ARMC8: variants seen among roughly 807,000 people sequenced by gnomAD.
ARMC8 encodes the protein armadillo repeat containing 8.
ARMC8 carries 20 observed loss-of-function variants against 99.3 expected under a neutral mutation model. The observed-to-expected ratio is 0.20, with a 90% CI of 0.14 to 0.29. The LOEUF (loss-of-function observed/expected upper bound fraction) is 0.29. ARMC8 is among the 10% of genes least tolerant of loss of function. The pLI is 1.00. For missense variants in ARMC8, 569 were observed against 809.5 expected, an observed-to-expected ratio of 0.70 and a Z score of 3.60; for synonymous variants, 263 against 278.3, an observed-to-expected ratio of 0.95 and a Z score of 0.55.
At chr3:138,276,775 A>G (rs1042262144) in intron 18 of ARMC8, among the ~76,000 whole-genome samples, 1 of 152,186 alleles carries the variant, frequency 6.6e-6, no homozygotes, top group South Asian at 2.1e-4. Flanking sequence ...ACCCAAATAA[A>G]TGGAGAGATA....
chr3:138,264,625 G>C (rs892786499), intron 14 of ARMC8, among the ~76,000 whole-genome samples: 2 of 151,202 alleles, frequency 1.3e-5, no homozygotes, highest in African/African-American at 4.9e-5. Flanking sequence ...TCACCATATT[G>C]GTCAGGCTGG....
chr3:138,237,783 A>G (rs1430850107), intron 9 of ARMC8, among the ~76,000 whole-genome samples: 2 of 152,214 alleles, frequency 1.3e-5, no homozygotes, highest in Non-Finnish European at 2.9e-5. Flanking sequence ...GAACTCTCGT[A>G]TAACATCTGA....
At chr3:138,245,844 T>G (rs923841244) in intron 12 of ARMC8, 38 of 985,676 alleles carry the variant, frequency 3.9e-5, no homozygotes, top group Non-Finnish European at 4.6e-5. Flanking sequence ...AAGCTCTGAC[T>G]TGGCTCCTTC....
chr3:138,235,297 G>T (rs1236007316), intron 7 of ARMC8, among the ~76,000 whole-genome samples, 183 bp downstream of exon 7: 1 of 150,630 alleles, frequency 6.6e-6, no homozygotes, highest in Non-Finnish European at 1.5e-5. Context: ...AGCTGCCCTT[G>T]CATCTCTTTT....
chr3:138,272,960 C>G lies in ARMC8; in HGVS notation c.1480-7C>G. ...CATGATTCTTGCAACTTCTTTAATC[C>G]TTTCAGAATATGGCATTTCAGGCTG... On this transcript the variant is annotated splice_polypyrimidine_tract_variant and splice_region_variant and intron_variant, in intron 16 of 21. Transcript: ENST00000469044. 1 of 1,558,740 alleles carries G rather than the reference C, an allele frequency of 6.4e-7. No homozygotes were observed. Among genetic ancestry groups the G allele is most frequent in the South Asian group, 1.3e-5 (1 of 79,978 alleles).
At chr3:138,223,957 C>CTTTT (rs1037473550) in intron 5 of ARMC8, among the ~76,000 whole-genome samples, 7 of 133,650 alleles carry the variant, frequency 5.2e-5, no homozygotes, top group Non-Finnish European at 8.0e-5. Context: ...GACTCCATCT[C>CTTTT]TTTTTTTTTT....
At chr3:138,224,316 A>G (rs572481129) in intron 5 of ARMC8, among the ~76,000 whole-genome samples, 6 of 152,316 alleles carry the variant, frequency 3.9e-5, no homozygotes, top group African/African-American at 1.2e-4. Context: ...GCAATGGCTC[A>G]TGCCTATAGT....
chr3:138,225,869 A>G (rs2045669394), intron 5 of ARMC8, among the ~76,000 whole-genome samples: 1 of 152,226 alleles, frequency 6.6e-6, no homozygotes, highest in African/African-American at 2.4e-5. Context: ...ATGGCTCCCT[A>G]GTCTGTCCTT....
At chr3:138,193,249 G>A (rs1003906134) in intron 1 of ARMC8, among the ~76,000 whole-genome samples, 2 of 151,908 alleles carry the variant, frequency 1.3e-5, no homozygotes, top group Admixed American at 1.3e-4. Flanking sequence ...GATTACAGGT[G>A]TGAGCCACCG....
At chr3:138,262,281 C>A in intron 12 of ARMC8, 1 of 422,880 alleles carries the variant, frequency 2.4e-6, no homozygotes, top group Non-Finnish European at 4.3e-6. Context: ...AGTGATTGTG[C>A]ATATCAGTAA....
intron 21 of ARMC8, among the ~76,000 whole-genome samples, chr3:138,293,520 C>T (rs2051185673): frequency 6.6e-6 from 1 of 151,318 alleles, no homozygotes; most frequent in Non-Finnish European, 1.5e-5. Context: ...GCCTAGGCAA[C>T]AGAGCAAGAC....
chr3:138,230,421 C>T (rs938442443), intron 6 of ARMC8, among the ~76,000 whole-genome samples: 3 of 152,120 alleles, frequency 2.0e-5, no homozygotes, highest in African/African-American at 7.2e-5. Flanking sequence ...GAGGCCGAGG[C>T]AGGTGGTTCT....
intron 1 of ARMC8, among the ~76,000 whole-genome samples, chr3:138,200,457 T>A (rs185200371): frequency 2.5e-4 from 38 of 152,330 alleles, no homozygotes; most frequent in Admixed American, 2.1e-3. Context: ...AAACATATTT[T>A]GTGTTTCTAT....
chr3:138,295,144 C>T (rs559152577), intron 21 of ARMC8, among the ~76,000 whole-genome samples: 1 of 152,204 alleles, frequency 6.6e-6, no homozygotes, highest in Non-Finnish European at 1.5e-5. Context: ...GGTGATCTGC[C>T]CTCCTCAGCC....
intron 19 of ARMC8, chr3:138,287,598 G>A: frequency 2.2e-6 from 1 of 456,052 alleles, no homozygotes; most frequent in Non-Finnish European, 4.4e-6. Context: ...TCTGAGGCTG[G>A]GAGCAGATAA....
chr3:138,194,346 T>A (rs1376364003), intron 1 of ARMC8, among the ~76,000 whole-genome samples: 5 of 134,690 alleles, frequency 3.7e-5, no homozygotes, highest in South Asian at 4.8e-4. Context: ...CCCAGCTTTT[T>A]TTTTTTTTTT....
At chr3:138,227,772 C>T (rs1054541180) in intron 5 of ARMC8, among the ~76,000 whole-genome samples, 1 of 152,182 alleles carries the variant, frequency 6.6e-6, no homozygotes, top group Admixed American at 6.5e-5. Flanking sequence ...CATTTGGAAG[C>T]TGACTCAGGA....
chr3:138,253,890 C>T (rs2047259087), intron 12 of ARMC8, among the ~76,000 whole-genome samples: 1 of 152,066 alleles, frequency 6.6e-6, no homozygotes, highest in Admixed American at 6.6e-5. Flanking sequence ...AACAGTGTAC[C>T]CAGATATGAT....
intron 5 of ARMC8, among the ~76,000 whole-genome samples, chr3:138,226,597 TAA>T (rs1477944930): frequency 6.6e-6 from 1 of 152,234 alleles, no homozygotes; most frequent in Non-Finnish European, 1.5e-5. Context: ...AGGGCTTAGT[TAA>T]TATCAGTTTA....
Sources: gnomAD v4.1 joint callset for allele counts (sites outside exome capture counted in the v4.1 genomes callset) on GRCh38, gnomAD v4.1.1 for gene constraint, MANE v1.5 for transcripts, NCBI Gene and HGNC (gene_info 2026-07-23, HGNC 2026-07-21) for gene names.